CRACD: variants seen among roughly 807,000 people sequenced by gnomAD.
The protein encoded by CRACD is capping protein inhibiting regulator of actin dynamics.
Under a neutral mutation model 106.8 loss-of-function variants are expected in CRACD, and 56 were observed. The ratio of observed to expected loss-of-function variants is 0.52; its 90% CI spans 0.42 to 0.66. The LOEUF is 0.66. CRACD is among the 30% of genes least tolerant of loss of function. The pLI is 0.00. For missense variants in CRACD, 1,730 were observed against 1,623.2 expected (o/e 1.07, Z -1.13); for synonymous variants, 754 against 670.8 (o/e 1.12, Z -1.92).
chr4:56,300,062 C>A lies in CRACD; in HGVS notation c.120+1713C>A, dbSNP rs143419465. Among the ~76,000 whole-genome samples, 496 of 152,004 alleles carry A rather than the reference C, an allele frequency of 3.3e-3. 12 individuals are homozygous for A. Among genetic ancestry groups the A allele is most frequent in the Admixed American group, 0.027 (418 of 15,266 alleles). On this transcript the variant is annotated intron_variant, in intron 4 of 10. Coordinates refer to ENST00000682029, the MANE Select transcript of CRACD (RefSeq NM_001393381.1). ...CTGAGGCAGGAGAATCACTTGAACC[C>A]GGGAGGTGGAGGTTGCAGTGAGCCA...
chr4:56,131,932 G>A (rs1734837234), intron 1 of CRACD, among the ~76,000 whole-genome samples: 1 of 152,072 alleles, frequency 6.6e-6, no homozygotes, highest in South Asian at 2.1e-4. Context: ...CTTTTCTGAT[G>A]TAACTATATT....
intron 2 of CRACD, among the ~76,000 whole-genome samples, chr4:56,187,705 C>A (rs1339119530): frequency 6.6e-6 from 1 of 151,318 alleles, no homozygotes; most frequent in African/African-American, 2.4e-5. Context: ...CTAAATTGGC[C>A]CAAGTGAAGC....
At chr4:56,094,482 G>A (rs889548589) in intron 1 of CRACD, among the ~76,000 whole-genome samples, 1 of 143,158 alleles carries the variant, frequency 7.0e-6, no homozygotes, top group Non-Finnish European at 1.5e-5. Flanking sequence ...AGGCTGGAGT[G>A]CAGTGGTGGG....
chr4:56,051,522 ATTATC>A (rs1731874346), intron 1 of CRACD, among the ~76,000 whole-genome samples: 1 of 152,144 alleles, frequency 6.6e-6, no homozygotes, highest in South Asian at 2.1e-4. Context: ...CAGGGCAGAT[ATTATC>A]ATTCCCGTTT....
At chr4:56,188,711 C>CACACACAGAGAGAGAGAG (rs1446016845) in intron 2 of CRACD, among the ~76,000 whole-genome samples, 9 of 113,170 alleles carry the variant, frequency 8.0e-5, no homozygotes, top group African/African-American at 3.5e-4. Context: ...CACACACACA[C>CACACACAGAGAGAGAGAG]AGAGAGAGAG....
chr4:56,074,203 T>C (rs1732758116), intron 1 of CRACD, among the ~76,000 whole-genome samples: 1 of 152,174 alleles, frequency 6.6e-6, no homozygotes, highest in Admixed American at 6.5e-5. Context: ...TTAAAGTAGT[T>C]TTTTTCTAAT....
intron 3 of CRACD, among the ~76,000 whole-genome samples, chr4:56,285,874 C>T (rs1743311537): frequency 6.6e-6 from 1 of 152,146 alleles, no homozygotes; most frequent in African/African-American, 2.4e-5. Flanking sequence ...CTGAAAGCCA[C>T]ACAGCTGGTA....
intron 1 of CRACD, among the ~76,000 whole-genome samples, chr4:56,160,207 A>C: frequency 6.8e-6 from 1 of 148,140 alleles, no homozygotes. Flanking sequence ...TTTTTTGAAG[A>C]AGTCTCATTC....
At chr4:56,179,480 T>C (rs547966788) in intron 2 of CRACD, 50 bp downstream of exon 2, 2 of 152,260 alleles carry the variant, frequency 1.3e-5, no homozygotes, top group East Asian at 3.9e-4. Flanking sequence ...ATGGAAAAAA[T>C]GCTAAGGAAT....
At chr4:56,276,248 G>C (rs1742668064) in intron 3 of CRACD, among the ~76,000 whole-genome samples, 2 of 152,138 alleles carry the variant, frequency 1.3e-5, no homozygotes. Flanking sequence ...TGTTAAAACA[G>C]TTGTTAAATT....
At chr4:56,146,566 C>A (rs921767738) in intron 1 of CRACD, among the ~76,000 whole-genome samples, 1 of 144,634 alleles carries the variant, frequency 6.9e-6, no homozygotes, top group Non-Finnish European at 1.5e-5. Context: ...CTATCCCTCC[C>A]CCCTCCCCCC....
chr4:56,133,333 CAT>C (rs2109867727), intron 1 of CRACD, among the ~76,000 whole-genome samples: 1 of 152,288 alleles, frequency 6.6e-6, no homozygotes, highest in African/African-American at 2.4e-5. Flanking sequence ...ATCTTTTTAA[CAT>C]TATCTTCAAA....
chr4:56,149,606 A>G (rs1226524441), intron 1 of CRACD, among the ~76,000 whole-genome samples: 1 of 152,222 alleles, frequency 6.6e-6, no homozygotes, highest in African/African-American at 2.4e-5. Context: ...ACATTGTATA[A>G]TTTCAAAGCC....
rs200285477 is a variant in CRACD at position 56,197,981 on chromosome 4, G to GAT, written c.-189+18552_-189+18553dup. 5.9e-4 allele frequency among the ~76,000 whole-genome samples: 89 copies of GAT among 152,068 alleles called. 1 individual carries two copies. In the East Asian group the frequency reaches 0.015, roughly 25 times the overall value. On this transcript the variant is annotated intron_variant, in intron 2 of 10. Transcript: ENST00000682029. The stretch of plus-strand genomic sequence containing the variant: ...CGTGAGCACCTGCACCCAGCCGGGT[G>GAT]ATTTTTTTTTAATTTAAGAAATGCA...
intron 1 of CRACD, among the ~76,000 whole-genome samples, chr4:56,131,868 A>C (rs937062053): frequency 2.0e-5 from 3 of 152,134 alleles, no homozygotes; most frequent in Non-Finnish European, 2.9e-5. Context: ...ATATATAACA[A>C]ATACATCATT....
intron 2 of CRACD, among the ~76,000 whole-genome samples, chr4:56,249,246 G>A (rs1192762328): frequency 6.7e-6 from 1 of 148,484 alleles, no homozygotes; most frequent in Non-Finnish European, 1.5e-5. Context: ...GTTGTTTCCT[G>A]GCTTTTTAAT....
rs988870370 is a variant in CRACD, at chr4:56,327,860, T to A, written c.*56T>A. On this transcript the variant is annotated 3_prime_UTR_variant, in exon 11 of 11. Transcript: ENST00000682029. ...TTATTGGCTCCTCTCTTGCCCTTTT[T>A]ATTTATTTATTTTTTATATGGGGTA... 14 of 1,453,430 alleles carry A rather than the reference T, an allele frequency of 9.6e-6. No homozygotes were observed. Among genetic ancestry groups the A allele is most frequent in the Non-Finnish European group, 1.3e-5 (14 of 1,064,360 alleles). 90.0% of individuals were successfully genotyped at this position (1,453,430 alleles called of 1,614,324 possible). A position where few individuals can be genotyped will look rare whatever the true frequency, so the allele number is the denominator to read the frequency against.
intron 2 of CRACD, among the ~76,000 whole-genome samples, chr4:56,197,319 G>A (rs1189104239): frequency 6.6e-6 from 1 of 151,846 alleles, no homozygotes; most frequent in Admixed American, 6.6e-5. Flanking sequence ...CCTCTGTGGG[G>A]TATTTTTTGC....
rs932556594 is a variant in CRACD at position 56,049,522 on chromosome 4, C to A, written c.-336+223C>A. Among the ~76,000 whole-genome samples, 5 of 152,098 alleles carry A rather than the reference C, an allele frequency of 3.3e-5. No homozygotes were observed. The East Asian group carries it at 9.7e-4, about 30-fold the overall frequency. On this transcript the variant is annotated intron_variant, in intron 1 of 10. Transcript: ENST00000682029. ...CGGAGGAACCTGCGCGCGGCTTGCG[C>A]GCTTTGGATCCCCGCAGGGGAACCT...
Sources: gnomAD v4.1 joint callset for allele counts (sites outside exome capture counted in the v4.1 genomes callset) on GRCh38, gnomAD v4.1.1 for gene constraint, MANE v1.5 for transcripts, NCBI Gene and HGNC (gene_info 2026-07-23, HGNC 2026-07-21) for gene names.